KLHL4: variants seen among roughly 807,000 people sequenced by gnomAD.
The protein encoded by KLHL4 is kelch like family member 4, also known as kelch-like protein 4.
A neutral mutation model predicts 45.8 loss-of-function variants in KLHL4; 17 were observed. The observed-to-expected ratio is 0.37, with a 90% confidence interval of 0.25 to 0.56. The LOEUF is 0.56. Among genes scored for constraint, KLHL4 ranks in the 20% least tolerant of loss-of-function variants. KLHL4 has a pLI of 0.79. For synonymous variants in KLHL4, 224 were observed against 189.9 expected, an observed-to-expected ratio of 1.18 and a Z score of -1.47; for missense variants, 544 against 544.9, an observed-to-expected ratio of 1.00 and a Z score of 0.02.
chrX:87,584,747 C>A (rs1443927268), intron 1 of KLHL4, among the ~76,000 whole-genome samples: 1 of 108,332 alleles, frequency 9.2e-6, no homozygotes, highest in Non-Finnish European at 1.9e-5. Flanking sequence ...AAGGGCAAAT[C>A]TAAAAGTTAT....
chrX:87,631,316 C>CTTATCTATGTCTGCAGCTTGA (rs1923089029), intron 6 of KLHL4, among the ~76,000 whole-genome samples: 2 of 111,539 alleles, frequency 1.8e-5, no homozygotes, highest in South Asian at 7.6e-4. Flanking sequence ...TTCCAGCTTG[C>CTTATCTATGTCTGCAGCTTGA]TTATCTATGT....
chrX:87,660,918 G>T (rs1467284040), intron 9 of KLHL4, among the ~76,000 whole-genome samples: 2 of 112,254 alleles, frequency 1.8e-5, no homozygotes, highest in African/African-American at 6.5e-5. Context: ...AGAGGTCAAG[G>T]AGAAAGATTG....
Position 87,667,834 on chromosome X carries a change from T to C in KLHL4, c.*1300T>C, listed in dbSNP as rs1012968849. 24 of 662,068 alleles carry C rather than the reference T, an allele frequency of 3.6e-5. No homozygotes were observed. In the African/African-American group the frequency reaches 5.8e-4, roughly 16 times the overall value. 54.6% of individuals were successfully genotyped at this position (662,068 alleles called of 1,213,427 possible). Reference sequence around the variant, plus strand: ...AAAATCTGGAGAAATGCTTATAAAATATACTACTAGCTTTTAAGTTTTAAG... The same window carrying C: ...AAAATCTGGAGAAATGCTTATAAAACATACTACTAGCTTTTAAGTTTTAAG... On this transcript the variant is annotated 3_prime_UTR_variant, in exon 11 of 11. Transcript: ENST00000373119.
intron 1 of KLHL4, among the ~76,000 whole-genome samples, chrX:87,555,409 C>G (rs1031112242): frequency 2.0e-4 from 22 of 111,364 alleles, no homozygotes; most frequent in Non-Finnish European, 3.4e-4. Flanking sequence ...TGTTATTGGT[C>G]TATTCAGAGA....
At chrX:87,620,199 G>A (rs895230658) in intron 4 of KLHL4, among the ~76,000 whole-genome samples, 4 of 112,127 alleles carry the variant, frequency 3.6e-5, no homozygotes, top group African/African-American at 1.3e-4. Flanking sequence ...CAATATAAGT[G>A]TAGATTTTTA....
At chrX:87,657,161 C>T (rs144965635) in intron 9 of KLHL4, among the ~76,000 whole-genome samples, 1,428 of 112,187 alleles carry the variant, frequency 0.013, 15 homozygotes, top group African/African-American at 0.044. Context: ...GTACGTGGCA[C>T]TTGAAGGAGG....
chrX:87,571,219 T>C (rs901200583), intron 1 of KLHL4, among the ~76,000 whole-genome samples: 1 of 110,949 alleles, frequency 9.0e-6, no homozygotes, highest in East Asian at 2.8e-4. Context: ...GTATGCATTT[T>C]ATAGTTTTAG....
At chrX:87,644,158 A>G (rs990713691) in intron 9 of KLHL4, among the ~76,000 whole-genome samples, 2 of 110,793 alleles carry the variant, frequency 1.8e-5, no homozygotes, top group Non-Finnish European at 3.8e-5. Flanking sequence ...AACCCTAAAG[A>G]CTCCTCAAGA....
At chrX:87,532,019 C>T (rs1162823549) in intron 1 of KLHL4, among the ~76,000 whole-genome samples, 5 of 105,141 alleles carry the variant, frequency 4.8e-5, no homozygotes, top group African/African-American at 1.0e-4. Flanking sequence ...GAGCCCGCAT[C>T]GCCAAGTCAA....
chrX:87,637,591 A>C (rs1401022816), intron 9 of KLHL4, among the ~76,000 whole-genome samples: 1 of 111,490 alleles, frequency 9.0e-6, no homozygotes, highest in Non-Finnish European at 1.9e-5. Context: ...ATAAATAAAT[A>C]AATAAATAAA....
intron 1 of KLHL4, among the ~76,000 whole-genome samples, chrX:87,602,868 G>A (rs1298363938): frequency 9.0e-6 from 1 of 111,419 alleles, no homozygotes; most frequent in Non-Finnish European, 1.9e-5. Context: ...TAGATTTCTG[G>A]GCAGATATCT....
intron 1 of KLHL4, among the ~76,000 whole-genome samples, chrX:87,525,175 G>T (rs1931083913): frequency 8.9e-6 from 1 of 111,922 alleles, no homozygotes; most frequent in Admixed American, 9.5e-5. Flanking sequence ...CTATCATTCA[G>T]TGTATATCAA....
At chrX:87,639,471 G>A (rs1287173752) in intron 9 of KLHL4, among the ~76,000 whole-genome samples, 1 of 111,247 alleles carries the variant, frequency 9.0e-6, no homozygotes, top group East Asian at 2.8e-4. Context: ...CACAAAACAA[G>A]TCTCAGTAAA....
intron 1 of KLHL4, among the ~76,000 whole-genome samples, chrX:87,608,710 C>T (rs898841901): frequency 2.7e-5 from 3 of 110,649 alleles, no homozygotes; most frequent in Non-Finnish European, 5.7e-5. Flanking sequence ...AGGGATCAAG[C>T]GAGAGGAAGG....
intron 1 of KLHL4, among the ~76,000 whole-genome samples, chrX:87,612,157 T>A (rs1452966721): frequency 9.0e-6 from 1 of 111,684 alleles, no homozygotes; most frequent in African/African-American, 3.3e-5. Context: ...AGATGTACAG[T>A]GTTTATACAT....
intron 1 of KLHL4, among the ~76,000 whole-genome samples, chrX:87,537,693 C>T (rs1458746201): frequency 9.0e-6 from 1 of 110,910 alleles, no homozygotes; most frequent in African/African-American, 3.3e-5. Context: ...TTTAAATTTA[C>T]TTGTTTTTAA....
At chrX:87,530,244 T>G (rs1010906830) in intron 1 of KLHL4, among the ~76,000 whole-genome samples, 5 of 110,837 alleles carry the variant, frequency 4.5e-5, no homozygotes, top group African/African-American at 1.3e-4. Context: ...TCTAGGGTTT[T>G]TATGGTTTTA....
At chrX:87,661,680 T>G (rs1056988271) in intron 9 of KLHL4, among the ~76,000 whole-genome samples, 1 of 112,337 alleles carries the variant, frequency 8.9e-6, no homozygotes, top group African/African-American at 3.2e-5. Context: ...AGTAGATGTT[T>G]AACCTCATTT....
chrX:87,591,784 A>T (rs977203002), intron 1 of KLHL4, among the ~76,000 whole-genome samples: 1 of 112,117 alleles, frequency 8.9e-6, no homozygotes, highest in Admixed American at 9.5e-5. Flanking sequence ...TGATAAAGGC[A>T]TACAAAGTCT....
Sources: gnomAD v4.1 joint callset for allele counts (sites outside exome capture counted in the v4.1 genomes callset) on GRCh38, gnomAD v4.1.1 for gene constraint, MANE v1.5 for transcripts, NCBI Gene and HGNC (gene_info 2026-07-23, HGNC 2026-07-21) for gene names.